VPS53: variants seen among roughly 807,000 people sequenced by gnomAD.
VPS53 encodes the protein VPS53 subunit of GARP complex.
In VPS53, 70 loss-of-function variants were observed where a neutral mutation model predicts 107.0. That is an observed-to-expected ratio of 0.65 (90% CI 0.54 to 0.80). VPS53 has a LOEUF of 0.80. Among genes scored for constraint, VPS53 ranks in the 30% least tolerant of loss-of-function variants. VPS53 has a pLI of 0.00. For missense variants in VPS53, 917 were observed against 1,049.4 expected, an observed-to-expected ratio of 0.87 and a Z score of 1.74; for synonymous variants, 409 against 393.3, an observed-to-expected ratio of 1.04 and a Z score of -0.47.
chr17:604,642 C>G (rs1968482293), intron 11 of VPS53, among the ~76,000 whole-genome samples: 1 of 152,166 alleles, frequency 6.6e-6, no homozygotes, highest in Non-Finnish European at 1.5e-5. Flanking sequence ...TGGGATTTTG[C>G]CATGTTGCCT....
At chr17:635,782 C>T (rs1249458965) in intron 7 of VPS53, among the ~76,000 whole-genome samples, 2 of 152,178 alleles carry the variant, frequency 1.3e-5, no homozygotes, top group Non-Finnish European at 1.5e-5. Context: ...CAGTACCATG[C>T]TGTTTTGGTT....
At chr17:642,098 G>A (rs1404614380) in intron 7 of VPS53, among the ~76,000 whole-genome samples, 1 of 152,194 alleles carries the variant, frequency 6.6e-6, no homozygotes, top group Non-Finnish European at 1.5e-5. Flanking sequence ...TACCTTGTGA[G>A]TGACAGTCCC....
intron 4 of VPS53, among the ~76,000 whole-genome samples, chr17:685,978 T>C (rs1020274834): frequency 1.3e-5 from 2 of 151,716 alleles, no homozygotes; most frequent in Non-Finnish European, 2.9e-5. Context: ...CACTCCAGCC[T>C]GGATGACCCT....
intron 2 of VPS53, among the ~76,000 whole-genome samples, chr17:704,190 C>T (rs1332294161): frequency 2.0e-5 from 3 of 152,150 alleles, no homozygotes; most frequent in African/African-American, 7.2e-5. Flanking sequence ...AAACGATTTT[C>T]TAGACCACTG....
intron 4 of VPS53, among the ~76,000 whole-genome samples, chr17:685,582 C>A (rs1447707894): frequency 6.6e-6 from 1 of 152,130 alleles, no homozygotes; most frequent in Non-Finnish European, 1.5e-5. Flanking sequence ...GTAGGCTAAG[C>A]TATGATGTTC....
chr17:558,969 C>G (rs1912696957), intron 15 of VPS53, among the ~76,000 whole-genome samples: 1 of 151,976 alleles, frequency 6.6e-6, no homozygotes, highest in Non-Finnish European at 1.5e-5. Context: ...GCACTCCAGC[C>G]TGGAAGACAG....
At chr17:661,957 G>A (rs934370150) in intron 4 of VPS53, 62 bp from the exon 5 acceptor site, 45 of 1,345,398 alleles carry the variant, frequency 3.3e-5, no homozygotes, top group Non-Finnish European at 4.2e-5. Context: ...GTCACTAACT[G>A]TAATCAATGC....
intron 8 of VPS53, 81 bp downstream of exon 8, chr17:631,469 A>T: frequency 1.1e-5 from 16 of 1,436,904 alleles, no homozygotes; most frequent in Non-Finnish European, 1.6e-5. Flanking sequence ...CTGGAATGAT[A>T]ACCACATGGT....
At chr17:672,117 C>CACACACACAA (rs1240244653) in intron 4 of VPS53, among the ~76,000 whole-genome samples, 5 of 117,554 alleles carry the variant, frequency 4.3e-5, no homozygotes, top group African/African-American at 1.5e-4. Flanking sequence ...GTGACACACA[C>CACACACACAA]ACACACACAC....
chr17:672,928 C>T (rs751636590), intron 4 of VPS53, among the ~76,000 whole-genome samples: 7 of 151,892 alleles, frequency 4.6e-5, no homozygotes, highest in Non-Finnish European at 8.8e-5. Context: ...CTGGCGAACA[C>T]GGTGAAACCC....
chr17:584,770 C>CGAG (rs141080723), intron 13 of VPS53, among the ~76,000 whole-genome samples: 160 of 152,258 alleles, frequency 1.1e-3, no homozygotes, highest in Non-Finnish European at 1.9e-3. Context: ...AAGAGCTCCT[C>CGAG]CTACCTTGGC....
chr17:653,815 G>C (rs1971059634), intron 6 of VPS53, among the ~76,000 whole-genome samples: 1 of 152,210 alleles, frequency 6.6e-6, no homozygotes, highest in African/African-American at 2.4e-5. Flanking sequence ...CAGAGAACCG[G>C]GGTAGGGATG....
chr17:639,940 C>T (rs1320528250), intron 7 of VPS53, among the ~76,000 whole-genome samples: 3 of 152,218 alleles, frequency 2.0e-5, no homozygotes, highest in Non-Finnish European at 4.4e-5. Flanking sequence ...CAGACAGGGA[C>T]ATTTAAGTCT....
chr17:706,618 C>A (rs1973411913), intron 2 of VPS53, among the ~76,000 whole-genome samples: 1 of 151,952 alleles, frequency 6.6e-6, no homozygotes, highest in Non-Finnish European at 1.5e-5. Flanking sequence ...GATTAACTAT[C>A]AAGATAGACT....
At chr17:606,690 A>G (rs1020614717) in intron 11 of VPS53, among the ~76,000 whole-genome samples, 7 of 152,190 alleles carry the variant, frequency 4.6e-5, no homozygotes, top group African/African-American at 1.7e-4. Context: ...GGTGAGCAGC[A>G]GTGAGTGAGC....
intron 2 of VPS53, among the ~76,000 whole-genome samples, chr17:709,120 C>T (rs1193978117): frequency 1.3e-5 from 2 of 152,120 alleles, no homozygotes; most frequent in Non-Finnish European, 2.9e-5. Context: ...CCCGTTAAGC[C>T]CCTTTATTTA....
chr17:560,648 A>G, intron 14 of VPS53, 75 bp from the exon 15 acceptor site: 1 of 1,535,740 alleles, frequency 6.5e-7, no homozygotes, highest in East Asian at 2.3e-5. Context: ...ACATTATTTT[A>G]AGATACAGAA....
intron 13 of VPS53, among the ~76,000 whole-genome samples, chr17:578,914 G>A (rs998091010): frequency 4.9e-5 from 7 of 142,852 alleles, no homozygotes; most frequent in Non-Finnish European, 7.6e-5. Context: ...AATGGAATGC[G>A]TTTGTAGAGA....
In VPS53 at chr17:515,678, C is replaced by G. The variant is rs191623251; in HGVS notation, c.*3450G>C. 11 of 152,112 alleles carry G rather than the reference C, an allele frequency of 7.2e-5. No homozygotes were observed. The highest frequency in any genetic ancestry group is 2.6e-4 in the African/African-American group (11 of 41,514). The allele number at this position is 152,112 out of a possible 1,614,324, so 9.4% of individuals were successfully genotyped here. ...CCCGGCCTAGGGTGCCCCTTTGATACGTTATTTTTGAAGTGATGTTAATAA... is the reference window on the plus strand; with the variant it reads ...CCCGGCCTAGGGTGCCCCTTTGATAGGTTATTTTTGAAGTGATGTTAATAA... On this transcript the variant is annotated 3_prime_UTR_variant, in exon 22 of 22. Coordinates refer to ENST00000437048, the MANE Select transcript of VPS53 (RefSeq NM_001128159.3).
Sources: allele counts gnomAD v4.1 joint callset (sites outside exome capture counted in the v4.1 genomes callset), GRCh38; gene constraint gnomAD v4.1.1; transcripts MANE v1.5; gene names NCBI Gene and HGNC (gene_info 2026-07-23, HGNC 2026-07-21).